The following SP140L variants were observed in gnomAD, a reference collection of about 807,000 sequenced individuals.
SP140L encodes SP140 like nuclear body protein.
Under a neutral mutation model 84.3 loss-of-function variants are expected in SP140L, and 64 were observed. The ratio of observed to expected loss-of-function variants is 0.76; its 90% confidence interval spans 0.62 to 0.94. SP140L has a LOEUF of 0.94. SP140L is among the 40% of genes least tolerant of loss of function. SP140L has a pLI of 0.00. For synonymous variants in SP140L, 242 were observed against 236.9 expected (o/e 1.02, Z -0.20); for missense variants, 628 against 692.5 (o/e 0.91, Z 1.05).
rs1002094306 is a variant in SP140L at position 230,343,243 on chromosome 2, C to G, written c.107+14412C>G. ...TCCTGATGCTGTCCCTCTCCCTACA[C>G]CCCCGACAGGTGCCCAGAGTGTGTT... On this transcript the variant is annotated intron_variant, in intron 2 of 18. Coordinates refer to ENST00000415673, the MANE Select transcript of SP140L (RefSeq NM_138402.6). 1.4e-5 allele frequency among the ~76,000 whole-genome samples: 2 copies of G among 147,586 alleles called. 1 individual carries two copies. The highest frequency in any genetic ancestry group is 3.0e-5 in the Non-Finnish European group (2 of 66,728).
At chr2:230,371,783 C>CA (rs1253657256) in intron 7 of SP140L, 132 bp downstream of exon 7, 10 of 800,888 alleles carry the variant, frequency 1.2e-5, no homozygotes, top group Admixed American at 7.5e-5. Flanking sequence ...ATGGCCACCC[C>CA]AAAAAACGTC....
At position 230,392,317 on chromosome 2, in the gene SP140L, G is replaced by T. The variant is rs1055120191; in HGVS notation, c.1107+88G>T. 7.0e-6 allele frequency: 11 copies of T among 1,578,024 alleles called. No individual in the cohort carries two copies. The South Asian group carries it at 1.0e-4, about 15-fold the overall frequency. On this transcript the variant is annotated intron_variant, in intron 12 of 18. Transcript: ENST00000415673. ...CTGTTTATTCACCAAATATTTGTTA[G>T]GTTATAGCTAAAGCCTTGATGCCAG...
intron 2 of SP140L, among the ~76,000 whole-genome samples, chr2:230,337,550 T>C (rs1446014907): frequency 6.6e-6 from 1 of 152,074 alleles, no homozygotes; most frequent in African/African-American, 2.4e-5. Flanking sequence ...TTTGGTGTTT[T>C]AGACATGAAG....
intron 6 of SP140L, 32 bp downstream of exon 6, chr2:230,370,999 G>A (rs1351277321): frequency 6.3e-7 from 1 of 1,596,736 alleles, no homozygotes; most frequent in East Asian, 2.2e-5. Flanking sequence ...GGGATGGGGT[G>A]GCTCAGTGGG....
At chr2:230,394,309 A>T (rs2061954314) in intron 13 of SP140L, among the ~76,000 whole-genome samples, 1 of 152,248 alleles carries the variant, frequency 6.6e-6, no homozygotes, top group Non-Finnish European at 1.5e-5. Context: ...TGAGAACCTG[A>T]GGAGGGGAAA....
chr2:230,368,945 GTTATCTTCATTGCTTT>G (rs1212148846), intron 5 of SP140L, among the ~76,000 whole-genome samples: 1 of 152,090 alleles, frequency 6.6e-6, no homozygotes, highest in African/African-American at 2.4e-5. Context: ...GAAGCAGTTT[GTTATCTTCATTGCTTT>G]GGGGTGAGCT....
At chr2:230,369,007 G>A (rs1249658184) in intron 5 of SP140L, among the ~76,000 whole-genome samples, 1 of 152,170 alleles carries the variant, frequency 6.6e-6, no homozygotes, top group South Asian at 2.1e-4. Flanking sequence ...ATGGTGTTAT[G>A]TCTCTTTGGC....
chr2:230,328,639 C>CT lies in SP140L; in HGVS notation c.33-110dup, dbSNP rs755171199. The CT allele has an allele frequency of 1.8e-4, 236 of 1,289,704 alleles. 1 individual carries two copies. Among genetic ancestry groups the CT allele is most frequent in the African/African-American group, 1.6e-3 (109 of 66,384 alleles). 79.9% of individuals were successfully genotyped at this position (1,289,704 alleles called of 1,614,324 possible). ...GCTATAATAATGATTATATATTTCT[C>CT]TTTTTTTTGCACATATGCAAGTATT... On this transcript the variant is annotated intron_variant, in intron 1 of 18. Coordinates refer to ENST00000415673, the MANE Select transcript of SP140L (RefSeq NM_138402.6).
At chr2:230,367,731 A>G (rs1003210860) in intron 5 of SP140L, among the ~76,000 whole-genome samples, 1 of 152,242 alleles carries the variant, frequency 6.6e-6, no homozygotes, top group African/African-American at 2.4e-5. Flanking sequence ...GCAGATCACG[A>G]GGCCATCCTG....
chr2:230,396,862 T>C lies in SP140L; in HGVS notation c.1197+64T>C, dbSNP rs1344411392. On this transcript the variant is annotated intron_variant, in intron 14 of 18. Transcript: ENST00000415673. ...CACTTCTTTCTCCAGGCATATGTTC[T>C]GTGTCATGACTGCTGTTGCCTGAAG... 3.1e-6 allele frequency: 5 copies of C among 1,592,418 alleles called. No homozygotes were observed. The East Asian group carries it at 1.1e-4, about 36-fold the overall frequency.
intron 2 of SP140L, chr2:230,342,028 C>A (rs12475784): frequency 0.26 from 39,652 of 155,318 alleles, 6,218 homozygotes; most frequent in East Asian, 0.73. Context: ...ACCCAGTTCG[C>A]GCTTCCCGGC....
chr2:230,380,187 G>C (rs533386940), intron 7 of SP140L, among the ~76,000 whole-genome samples: 1 of 152,170 alleles, frequency 6.6e-6, no homozygotes, highest in Non-Finnish European at 1.5e-5. Context: ...TGAAAAACAA[G>C]TGAAAGGGGT....
chr2:230,375,893 G>A (rs890643605), intron 7 of SP140L, among the ~76,000 whole-genome samples: 3 of 151,904 alleles, frequency 2.0e-5, no homozygotes, highest in Non-Finnish European at 4.4e-5. Context: ...TTCCTTTGCT[G>A]TACAAATCTT....
chr2:230,402,691 C>T (rs2062408258), intron 18 of SP140L, 107 bp from the exon 19 acceptor site: 1 of 839,628 alleles, frequency 1.2e-6, no homozygotes, highest in Non-Finnish European at 1.9e-6. Context: ...TGTCAACTTA[C>T]AGTTTTTATT....
chr2:230,369,917 G>A (rs767068851), intron 5 of SP140L, among the ~76,000 whole-genome samples: 5 of 149,378 alleles, frequency 3.3e-5, no homozygotes, highest in South Asian at 2.1e-4. Flanking sequence ...GGGATTACAG[G>A]CGCACGCCAC....
In SP140L at chr2:230,357,824, G is replaced by C. The variant is rs1260980619; in HGVS notation, c.127G>C (p.Asp43His). 1.9e-6 allele frequency: 3 copies of C among 1,612,412 alleles called. No homozygotes were observed. In the African/African-American group the frequency reaches 4.0e-5, roughly 22 times the overall value. ...SLQRLFTEDQ[D>H]VDEGLVYDTV... ...CCTTAGGCTGTTCACGGAAGACCAGGATGTAGATGAGGGACTTGTCTATGA... is the reference window on the plus strand; with the variant it reads ...CCTTAGGCTGTTCACGGAAGACCAGCATGTAGATGAGGGACTTGTCTATGA... Residue 43 changes from aspartate to histidine, a missense_variant, in exon 3 of 19, where the codon GAT becomes CAT. Asp to His is a moderately conservative substitution (Grantham distance 81). Around this residue, in one of 4 missense-constraint regions of SP140L, gnomAD observed 525 missense variants for 518.4 expected, o/e 1.01. Coordinates refer to ENST00000415673, the MANE Select transcript of SP140L (RefSeq NM_138402.6).
At chr2:230,395,471 T>A (rs2149819014) in intron 13 of SP140L, among the ~76,000 whole-genome samples, 1 of 152,236 alleles carries the variant, frequency 6.6e-6, no homozygotes, top group Admixed American at 6.5e-5. Flanking sequence ...TCCCACCTAC[T>A]CAGGAGGCTG....
At chr2:230,337,721 A>G (rs892006131) in intron 2 of SP140L, among the ~76,000 whole-genome samples, 1 of 152,092 alleles carries the variant, frequency 6.6e-6, no homozygotes, top group African/African-American at 2.4e-5. Flanking sequence ...ATGGCTAGCC[A>G]GTTTTCCCAG....
intron 14 of SP140L, among the ~76,000 whole-genome samples, chr2:230,398,441 C>T (rs73093364): frequency 0.012 from 1,777 of 152,346 alleles, 42 homozygotes; most frequent in African/African-American, 0.04. Context: ...ACTTCCACCT[C>T]CAACTCAGAC....
Sources: gnomAD v4.1 joint callset for allele counts (sites outside exome capture counted in the v4.1 genomes callset) on GRCh38, gnomAD v4.1.1 for gene constraint, gnomAD v4.1.1 regional missense constraint, MANE v1.5 for transcripts, NCBI Gene and HGNC (gene_info 2026-07-23, HGNC 2026-07-21) for gene names.